The following SGCZ variants were observed in gnomAD, a reference collection of about 807,000 sequenced individuals.
SGCZ encodes the protein zeta-sarcoglycan.
Under a neutral mutation model 41.3 loss-of-function variants are expected in SGCZ, and 40 were observed. The observed-to-expected ratio is 0.97, with a 90% CI of 0.75 to 1.26. The LOEUF (loss-of-function observed/expected upper bound fraction) is 1.26, where lower values mean the gene tolerates loss of function less well. SGCZ is among the 50% of genes most tolerant of loss of function. The pLI is 0.00. For missense variants in SGCZ, 552 were observed against 369.8 expected, an observed-to-expected ratio of 1.49 and a Z score of -4.04; for synonymous variants, 206 against 137.5, an observed-to-expected ratio of 1.50 and a Z score of -3.49.
chr8:14,780,099 C>G (rs1264987643), intron 1 of SGCZ, among the ~76,000 whole-genome samples: 2 of 151,956 alleles, frequency 1.3e-5, no homozygotes, highest in Non-Finnish European at 2.9e-5. Flanking sequence ...TACGGCCGGG[C>G]GCAGTGGCTC....
chr8:14,202,640 T>C (rs1025223393), intron 4 of SGCZ, among the ~76,000 whole-genome samples: 5 of 152,206 alleles, frequency 3.3e-5, no homozygotes, highest in East Asian at 1.9e-4. Flanking sequence ...GATGTTTCCA[T>C]TGATCTCCTT....
At position 14,547,313 on chromosome 8, in the gene SGCZ, C is replaced by G. The variant is rs543284774; in HGVS notation, c.234+7419G>C. 3.0e-4 allele frequency among the ~76,000 whole-genome samples: 46 copies of G among 152,208 alleles called. No individual in the cohort carries two copies. The South Asian group carries it at 6.2e-3, about 21-fold the overall frequency. On this transcript the variant is annotated intron_variant, in intron 2 of 7. Transcript: ENST00000382080. ...TGACAAATAAGCTCCCTCATTCAGA[C>G]GGCCAGAAAGGGTGCTGACAGGTGA...
At chr8:14,276,723 A>G (rs1476862293) in intron 3 of SGCZ, among the ~76,000 whole-genome samples, 3 of 152,122 alleles carry the variant, frequency 2.0e-5, no homozygotes, top group South Asian at 2.1e-4. Context: ...AAATTTGATG[A>G]TTTAATTCTA....
intron 2 of SGCZ, among the ~76,000 whole-genome samples, chr8:14,512,235 T>C (rs1382598782): frequency 2.6e-5 from 4 of 152,140 alleles, no homozygotes; most frequent in Non-Finnish European, 4.4e-5. Flanking sequence ...CTGAAGTGCC[T>C]ATTAACATAA....
At chr8:14,800,615 G>A (rs754450181) in intron 1 of SGCZ, among the ~76,000 whole-genome samples, 3 of 152,048 alleles carry the variant, frequency 2.0e-5, no homozygotes, top group African/African-American at 4.8e-5. Flanking sequence ...CTGGTTCTTT[G>A]AAAAGTCTGT....
At chr8:14,866,639 G>C (rs553724044) in intron 1 of SGCZ, among the ~76,000 whole-genome samples, 1 of 151,950 alleles carries the variant, frequency 6.6e-6, no homozygotes, top group African/African-American at 2.4e-5. Flanking sequence ...GCAAAACACC[G>C]CCTCTACAAA....
intron 5 of SGCZ, among the ~76,000 whole-genome samples, chr8:14,142,764 C>T (rs1309393998): frequency 2.6e-5 from 4 of 152,050 alleles, no homozygotes; most frequent in Non-Finnish European, 5.9e-5. Flanking sequence ...TAGCACCATC[C>T]CCCAGGTGCT....
intron 1 of SGCZ, among the ~76,000 whole-genome samples, chr8:14,993,177 T>C (rs1279553861): frequency 6.6e-6 from 1 of 152,216 alleles, no homozygotes; most frequent in South Asian, 2.1e-4. Context: ...TTGAGGTTAG[T>C]CTGACAGCCC....
intron 1 of SGCZ, among the ~76,000 whole-genome samples, chr8:14,784,447 C>T (rs1244096407): frequency 1.3e-5 from 2 of 151,842 alleles, no homozygotes; most frequent in East Asian, 1.9e-4. Flanking sequence ...TTTTGTCATA[C>T]TTAAAAAATA....
rs149820183 is a variant in SGCZ at position 14,949,566 on chromosome 8, A to G, written c.39+288019T>C. 1.0e-3 allele frequency among the ~76,000 whole-genome samples: 155 copies of G among 152,226 alleles called. 1 individual carries two copies. The East Asian group carries it at 0.027, about 27-fold the overall frequency. Reference sequence around the variant, plus strand: ...AAAATCAATACTTTGGAGATCATTAAATCTTGGCATGAATTGAGCACTGAA... The same window carrying G: ...AAAATCAATACTTTGGAGATCATTAGATCTTGGCATGAATTGAGCACTGAA... On this transcript the variant is annotated intron_variant, in intron 1 of 7. Coordinates refer to ENST00000382080, the MANE Select transcript of SGCZ (RefSeq NM_139167.4).
At chr8:14,613,424 A>G (rs1450629761) in intron 1 of SGCZ, among the ~76,000 whole-genome samples, 3 of 152,176 alleles carry the variant, frequency 2.0e-5, no homozygotes, top group African/African-American at 7.2e-5. Context: ...TCTCTTAGAT[A>G]AAATCTATAA....
chr8:15,091,441 C>G (rs1421377316), intron 1 of SGCZ, among the ~76,000 whole-genome samples: 1 of 152,224 alleles, frequency 6.6e-6, no homozygotes, highest in Non-Finnish European at 1.5e-5. Context: ...CCTCATCATT[C>G]TGGAAGACTT....
chr8:14,510,263 T>G (rs979239900), intron 2 of SGCZ, among the ~76,000 whole-genome samples: 1 of 152,058 alleles, frequency 6.6e-6, no homozygotes, highest in Non-Finnish European at 1.5e-5. Context: ...ACTGGTGGAG[T>G]AGAAAGTAAA....
At position 14,416,461 on chromosome 8, in the gene SGCZ, C is replaced by A. The variant is rs538875131; in HGVS notation, c.235-92257G>T. 2.6e-5 allele frequency among the ~76,000 whole-genome samples: 4 copies of A among 151,996 alleles called. No homozygotes were observed. In the South Asian group the frequency reaches 6.2e-4, roughly 24 times the overall value. ...ATTCAAAATTATTTAGAGCCTACAA[C>A]TGCACCCATGAAAGCTGCCTTCATA... On this transcript the variant is annotated intron_variant, in intron 2 of 7. Coordinates refer to ENST00000382080, the MANE Select transcript of SGCZ (RefSeq NM_139167.4).
intron 2 of SGCZ, among the ~76,000 whole-genome samples, chr8:14,540,385 T>A (rs140805339): frequency 6.6e-6 from 1 of 151,742 alleles, no homozygotes; most frequent in East Asian, 1.9e-4. Context: ...ACCTTTCTAA[T>A]ACAAACTTTC....
At chr8:15,077,474 G>A (rs916743235) in intron 1 of SGCZ, among the ~76,000 whole-genome samples, 2 of 152,204 alleles carry the variant, frequency 1.3e-5, no homozygotes, top group African/African-American at 4.8e-5. Flanking sequence ...TTTAGCATAT[G>A]TAAAATTTAG....
chr8:14,293,654 G>C (rs1800917768), intron 3 of SGCZ, among the ~76,000 whole-genome samples: 1 of 151,760 alleles, frequency 6.6e-6, no homozygotes, highest in African/African-American at 2.4e-5. Flanking sequence ...TTAATGCAAG[G>C]TTCATAAGGT....
At chr8:14,310,966 A>G (rs893363981) in intron 3 of SGCZ, among the ~76,000 whole-genome samples, 1 of 152,122 alleles carries the variant, frequency 6.6e-6, no homozygotes, top group Non-Finnish European at 1.5e-5. Context: ...CTTGGAACAC[A>G]CTTAAGGGTA....
chr8:14,510,380 T>C (rs151193309), intron 2 of SGCZ, among the ~76,000 whole-genome samples: 14 of 152,234 alleles, frequency 9.2e-5, no homozygotes, highest in African/African-American at 3.4e-4. Flanking sequence ...GTTATTGTTT[T>C]GTAATGTATA....
Sources: allele counts gnomAD v4.1 joint callset (sites outside exome capture counted in the v4.1 genomes callset), GRCh38; gene constraint gnomAD v4.1.1; transcripts MANE v1.5; gene names NCBI Gene and HGNC (gene_info 2026-07-23, HGNC 2026-07-21).